The following CNTN3 variants were observed in gnomAD, a reference collection of about 807,000 sequenced individuals.
CNTN3 encodes the protein contactin-3.
In CNTN3, 60 loss-of-function variants were observed where a neutral mutation model predicts 119.1. That is an observed-to-expected ratio of 0.50 (90% CI 0.41 to 0.62). The LOEUF is 0.62. CNTN3 is among the 20% of genes least tolerant of loss of function. The pLI, the probability that CNTN3 is intolerant of heterozygous loss-of-function variation, is 0.00. For missense variants in CNTN3, 1,101 were observed against 1,242.4 expected (o/e 0.89, Z 1.71); for synonymous variants, 450 against 438.7 (o/e 1.03, Z -0.32).
chr3:74,284,918 G>A (rs1348320440), intron 20 of CNTN3, among the ~76,000 whole-genome samples: 1 of 152,046 alleles, frequency 6.6e-6, no homozygotes, highest in African/African-American at 2.4e-5. Flanking sequence ...GATAAAGAAG[G>A]AAAAATCACT....
chr3:74,417,518 T>C (rs1301633051), intron 5 of CNTN3, among the ~76,000 whole-genome samples: 1 of 152,190 alleles, frequency 6.6e-6, no homozygotes, highest in African/African-American at 2.4e-5. Context: ...AATCAATGAA[T>C]GAATACAATG....
rs138649002 is a variant in CNTN3 at position 74,377,556 on chromosome 3, C to T, written c.455-6157G>A. On this transcript the variant is annotated intron_variant, in intron 5 of 22. Transcript: ENST00000263665. ...GTAATAAAAATGATAATTTGATATA[C>T]TCAAACAAGCTAGTCTTTACAAAAC... 4.7e-3 allele frequency among the ~76,000 whole-genome samples: 718 copies of T among 152,248 alleles called. 5 individuals are homozygous for T. Among genetic ancestry groups the T allele is most frequent in the African/African-American group, 0.017 (688 of 41,558 alleles).
At chr3:74,436,145 T>TA (rs1366711133) in intron 4 of CNTN3, among the ~76,000 whole-genome samples, 1 of 152,250 alleles carries the variant, frequency 6.6e-6, no homozygotes, top group Non-Finnish European at 1.5e-5. Context: ...CTCTGTCACT[T>TA]AGAGTATTTC....
intron 19 of CNTN3, among the ~76,000 whole-genome samples, chr3:74,293,726 T>TA (rs1702280177): frequency 6.6e-6 from 1 of 152,116 alleles, no homozygotes; most frequent in African/African-American, 2.4e-5. Flanking sequence ...CCTCCTGCAT[T>TA]TGCCTCCCAA....
rs1025779584 is a variant in CNTN3, at chr3:74,369,280, G to A, written c.855C>T (p.Pro285=). Residue 285 remains proline (P), a synonymous_variant, in exon 8 of 23, where the codon CCC becomes CCT. Transcript: ENST00000263665. ...AACCTGCATCTTCCTGTTGGAAGTT[G>A]GGGATTTCAAGCACACCACTGAACT... ...LRKFSGVLEI[P]NFQQEDAGSY... 3.1e-6 allele frequency: 5 copies of A among 1,611,282 alleles called. No homozygotes were observed. Among genetic ancestry groups the A allele is most frequent in the Non-Finnish European group, 4.2e-6 (5 of 1,178,630 alleles).
At chr3:74,336,725 A>G in intron 11 of CNTN3, 67 bp from the exon 12 acceptor site, 1 of 1,291,520 alleles carries the variant, frequency 7.7e-7, no homozygotes, top group Non-Finnish European at 1.1e-6. Context: ...GAATATACAT[A>G]TTTTTACAGA....
intron 4 of CNTN3, among the ~76,000 whole-genome samples, chr3:74,433,477 G>T (rs1701817473): frequency 1.3e-5 from 2 of 152,170 alleles, no homozygotes; most frequent in Non-Finnish European, 2.9e-5. Context: ...CACTATTTAG[G>T]AAATGTAGCA....
chr3:74,595,242 T>C (rs1407336391), intron 1 of CNTN3, among the ~76,000 whole-genome samples: 2 of 151,730 alleles, frequency 1.3e-5, no homozygotes, highest in South Asian at 2.1e-4. Flanking sequence ...ATTTTGTAGG[T>C]TGCCTGTTCA....
intron 5 of CNTN3, among the ~76,000 whole-genome samples, chr3:74,415,351 A>G (rs559950936): frequency 6.6e-6 from 1 of 152,236 alleles, no homozygotes; most frequent in South Asian, 2.1e-4. Context: ...GAATGAATGA[A>G]TCCAGTTTCT....
intron 4 of CNTN3, 66 bp from the exon 5 acceptor site, chr3:74,425,006 G>T: frequency 9.6e-7 from 1 of 1,044,130 alleles, no homozygotes; most frequent in East Asian, 2.7e-5. Context: ...TTTACACCAA[G>T]ACCTTCCTTT....
chr3:74,567,645 C>T (rs1704248326), intron 1 of CNTN3, among the ~76,000 whole-genome samples: 1 of 152,008 alleles, frequency 6.6e-6, no homozygotes, highest in Non-Finnish European at 1.5e-5. Context: ...AAGAAGGGAC[C>T]TTTTTGAATC....
intron 5 of CNTN3, among the ~76,000 whole-genome samples, chr3:74,381,053 GT>G (rs199984955): frequency 3.0e-4 from 43 of 143,992 alleles, no homozygotes; most frequent in South Asian, 8.9e-4. Flanking sequence ...TGGAGAAATT[GT>G]TTTTTTTTTT....
At chr3:74,408,447 C>T (rs902470867) in intron 5 of CNTN3, among the ~76,000 whole-genome samples, 8 of 152,134 alleles carry the variant, frequency 5.3e-5, no homozygotes, top group Non-Finnish European at 7.3e-5. Context: ...ACGGCATGCT[C>T]ACTCAGGAGG....
At chr3:74,587,267 T>C (rs1290193242) in intron 1 of CNTN3, among the ~76,000 whole-genome samples, 1 of 152,042 alleles carries the variant, frequency 6.6e-6, no homozygotes, top group Non-Finnish European at 1.5e-5. Context: ...AATGTCATTG[T>C]TTTCCTCCTC....
intron 20 of CNTN3, among the ~76,000 whole-genome samples, chr3:74,270,425 G>A (rs1230297559): frequency 2.0e-5 from 3 of 152,138 alleles, no homozygotes; most frequent in Non-Finnish European, 4.4e-5. Context: ...GAGACAGAAT[G>A]GGAGACAGAA....
At chr3:74,319,730 C>A (rs904330421) in intron 13 of CNTN3, among the ~76,000 whole-genome samples, 36 of 151,762 alleles carry the variant, frequency 2.4e-4, no homozygotes, top group South Asian at 4.2e-4. Context: ...TGAACAGGCA[C>A]CCTACAAAAT....
rs142563250 is a variant in CNTN3 at position 74,343,677 on chromosome 3, C to T, written c.1365-7019G>A. The stretch of plus-strand genomic sequence containing the variant: ...GCAGTCTTGGTAGGGCTATGAATCA[C>T]GGTGTCTTGTCGTATCCTAGCCATG... On this transcript the variant is annotated intron_variant, in intron 11 of 22. Coordinates refer to ENST00000263665, the MANE Select transcript of CNTN3 (RefSeq NM_020872.3). Among the ~76,000 whole-genome samples, 8 of 152,314 alleles carry T rather than the reference C, an allele frequency of 5.3e-5. No homozygotes were observed. The South Asian group carries it at 1.2e-3, about 24-fold the overall frequency.
At chr3:74,472,416 C>T (rs1201073179) in intron 4 of CNTN3, among the ~76,000 whole-genome samples, 2 of 152,132 alleles carry the variant, frequency 1.3e-5, no homozygotes, top group African/African-American at 4.8e-5. Flanking sequence ...TCAATGGAAT[C>T]GTCTCAGCTA....
chr3:74,384,054 A>T (rs1224046014), intron 5 of CNTN3, among the ~76,000 whole-genome samples: 3 of 152,238 alleles, frequency 2.0e-5, no homozygotes, highest in Non-Finnish European at 4.4e-5. Flanking sequence ...AGCCAAACTG[A>T]ATATTTAATA....
Sources: allele counts gnomAD v4.1 joint callset (sites outside exome capture counted in the v4.1 genomes callset), GRCh38; gene constraint gnomAD v4.1.1; transcripts MANE v1.5; gene names NCBI Gene and HGNC (gene_info 2026-07-23, HGNC 2026-07-21).